NMNAT1: variants seen among roughly 807,000 people sequenced by gnomAD.
The protein encoded by NMNAT1 is nicotinamide nucleotide adenylyltransferase 1.
A neutral mutation model predicts 16.7 loss-of-function variants in NMNAT1; 11 were observed. The ratio of observed to expected loss-of-function variants is 0.66; its 90% CI spans 0.41 to 1.09. NMNAT1 has a LOEUF of 1.09. Among genes scored for constraint, NMNAT1 ranks in the 50% least tolerant of loss-of-function variants. The pLI, the probability that NMNAT1 is intolerant of heterozygous loss-of-function variation, is 0.00. For synonymous variants in NMNAT1, 110 were observed against 119.8 expected, an observed-to-expected ratio of 0.92 and a Z score of 0.53; for missense variants, 280 against 332.3, an observed-to-expected ratio of 0.84 and a Z score of 1.22.
At position 9,972,152 on chromosome 1, in the gene NMNAT1, T is replaced by C. The variant is rs1641703881; in HGVS notation, c.79T>C (p.Leu27=). The C allele has an allele frequency of 6.2e-7, 1 of 1,612,140 alleles. No individual in the cohort carries two copies. Among genetic ancestry groups the C allele is most frequent in the Non-Finnish European group, 8.5e-7 (1 of 1,178,392 alleles). The part of the protein sequence containing the change: ...FNPITNMHLR[L]FELAKDYMNG... ...TCCCATCACCAACATGCACCTCAGG[T>C]TGTTTGAGCTGGCCAAGGACTACAT... Residue 27 remains leucine (L), a synonymous_variant, in exon 2 of 5, where the codon TTG becomes CTG. Coordinates refer to ENST00000377205, the MANE Select transcript of NMNAT1 (RefSeq NM_022787.4).
At chr1:9,951,455 G>GTTT (rs372572948) in intron 1 of NMNAT1, among the ~76,000 whole-genome samples, 2,431 of 134,518 alleles carry the variant, frequency 0.018, 53 homozygotes, top group East Asian at 0.1. Flanking sequence ...AACAGCTTCA[G>GTTT]TTTTTTTTTG....
rs140987402 is a variant in NMNAT1 at position 9,982,308 on chromosome 1, A to G, written c.447A>G (p.Pro149=). Residue 149 remains proline (P), a synonymous_variant, in exon 5 of 5, where the codon CCA becomes CCG. Coordinates refer to ENST00000377205, the MANE Select transcript of NMNAT1 (RefSeq NM_022787.4). ...KSLEPKTKAV[P]KVKLLCGADL... ...CTGTTTTATTCTTCCCAGCTGTGCC[A>G]AAGGTCAAGCTGCTGTGTGGGGCAG... 12 of 1,610,310 alleles carry G rather than the reference A, an allele frequency of 7.5e-6. No individual in the cohort carries two copies. The Middle Eastern group carries it at 5.0e-4, about 67-fold the overall frequency.
At position 9,981,106 on chromosome 1, in the gene NMNAT1, G is replaced by A; in HGVS notation, c.375G>A (p.Arg125=). The change falls in exon 4 of 5, where the codon AGG becomes AGA. Residue 125 remains arginine, a synonymous_variant. Coordinates refer to ENST00000377205, the MANE Select transcript of NMNAT1 (RefSeq NM_022787.4). The part of the protein sequence containing the change: ...QNSPTLERPG[R]KRKWTETQDS... ...CACCTACTCTAGAAAGGCCTGGAAG[G>A]AAGAGGAAGTGGACTGAAACACAAG... 1 of 1,613,936 alleles carries A rather than the reference G, an allele frequency of 6.2e-7. No homozygotes were observed. The highest frequency in any genetic ancestry group is 8.5e-7 in the Non-Finnish European group (1 of 1,179,958).
chr1:9,962,783 G>A (rs1481703545), intron 1 of NMNAT1, among the ~76,000 whole-genome samples: 7,613 of 100,966 alleles, frequency 0.075, no homozygotes, highest in Non-Finnish European at 0.11. Context: ...CCGGGTTCAC[G>A]CCATTCTCCC....
chr1:9,994,635 C>T, the NMNAT1 span, among the ~76,000 whole-genome samples: 4 of 122,376 alleles, frequency 3.3e-5, no homozygotes, highest in South Asian at 2.6e-4. Context: ...TTTTTTGAGA[C>T]GGAGTCTTGC....
chr1:9,967,882 C>T (rs79848346), intron 1 of NMNAT1, among the ~76,000 whole-genome samples: 2,572 of 151,620 alleles, frequency 0.017, 49 homozygotes, highest in African/African-American at 0.045. Context: ...AGGCTGAGGT[C>T]GAAGGATCAC....
downstream of NMNAT1, among the ~76,000 whole-genome samples, chr1:9,989,737 G>T (rs943906014): frequency 1.3e-5 from 2 of 152,096 alleles, no homozygotes; most frequent in Non-Finnish European, 2.9e-5. Flanking sequence ...ATTCCTCCTG[G>T]ACACTGGACA....
chr1:9,981,401 A>G (rs1570715814), intron 4 of NMNAT1: 1 of 441,266 alleles, frequency 2.3e-6, no homozygotes, highest in East Asian at 5.6e-5. Flanking sequence ...CGCCTGTCTA[A>G]TTTGTTTGTA....
intron 1 of NMNAT1, among the ~76,000 whole-genome samples, chr1:9,943,748 ATC>A (rs982712667): frequency 1.3e-5 from 2 of 152,104 alleles, no homozygotes; most frequent in African/African-American, 4.8e-5. Context: ...GAAAGGAAAA[ATC>A]TCTTTCTAGA....
chr1:9,963,777 GATTAACT>G (rs1273742116), intron 1 of NMNAT1, among the ~76,000 whole-genome samples: 2 of 152,106 alleles, frequency 1.3e-5, no homozygotes, highest in Non-Finnish European at 2.9e-5. Flanking sequence ...AAAGGTCGAA[GATTAACT>G]GGAAAAACTG....
At chr1:9,943,265 CA>C (rs1316393216), upstream of NMNAT1, 1 of 157,506 alleles carries the variant, frequency 6.3e-6, no homozygotes, top group African/African-American at 2.4e-5. Flanking sequence ...AAAACTGGGA[CA>C]ACCTCCTTAG....
intron 1 of NMNAT1, among the ~76,000 whole-genome samples, chr1:9,954,845 C>T (rs765879929): frequency 2.0e-5 from 3 of 151,148 alleles, no homozygotes; most frequent in East Asian, 3.9e-4. Flanking sequence ...GCACGAGAAT[C>T]GCTTGAACCC....
In NMNAT1 at chr1:9,951,046, G is replaced by A. The variant is rs935751370; in HGVS notation, c.-57+7531G>A. 4.0e-5 allele frequency among the ~76,000 whole-genome samples: 6 copies of A among 150,412 alleles called. No homozygotes were observed. The South Asian group carries it at 8.4e-4, about 21-fold the overall frequency. ...GGAGGTTGCAGTGAGCCAAGATCAC[G>A]CCACTGCACTCCAGCTTAAGCAACA... On this transcript the variant is annotated intron_variant, in intron 1 of 4. Transcript: ENST00000377205.
intron 3 of NMNAT1, among the ~76,000 whole-genome samples, chr1:9,976,490 A>G (rs2101703524): frequency 6.6e-6 from 1 of 152,256 alleles, no homozygotes; most frequent in Non-Finnish European, 1.5e-5. Context: ...CTGCTTGATC[A>G]TGGACAGGCC....
At position 9,957,529 on chromosome 1, in the gene NMNAT1, G is replaced by A. The variant is rs1040025300; in HGVS notation, c.-57+14014G>A. Among the ~76,000 whole-genome samples, 12 of 151,522 alleles carry A rather than the reference G, an allele frequency of 7.9e-5. No individual in the cohort carries two copies. In the South Asian group the frequency reaches 1.5e-3, roughly 19 times the overall value. On this transcript the variant is annotated intron_variant, in intron 1 of 4. Coordinates refer to ENST00000377205, the MANE Select transcript of NMNAT1 (RefSeq NM_022787.4). The stretch of plus-strand genomic sequence containing the variant: ...AGGCTGGTCTCGAACTATTGACCTC[G>A]TGATCCACGCCTCGGCTTCCCAAAG...
chr1:9,956,170 CTTTT>C (rs113840450), intron 1 of NMNAT1, among the ~76,000 whole-genome samples: 3 of 133,992 alleles, frequency 2.2e-5, no homozygotes, highest in Admixed American at 1.5e-4. Flanking sequence ...TGTTTCTTTT[CTTTT>C]TTTTTTTTTT....
chr1:9,945,071 T>G (rs2101629310), intron 1 of NMNAT1, among the ~76,000 whole-genome samples: 1 of 152,188 alleles, frequency 6.6e-6, no homozygotes, highest in South Asian at 2.1e-4. Flanking sequence ...CCATCTCTAC[T>G]AAAAATACAA....
At chr1:9,950,429 T>G (rs895541411) in intron 1 of NMNAT1, 2 of 152,268 alleles carry the variant, frequency 1.3e-5, no homozygotes, top group Non-Finnish European at 2.9e-5. Flanking sequence ...TTTGACATGC[T>G]TCCTGTTATT....
chr1:9,992,544 A>G, the NMNAT1 span, among the ~76,000 whole-genome samples: 1 of 152,038 alleles, frequency 6.6e-6, no homozygotes, highest in African/African-American at 2.4e-5. Context: ...AGTTGTTCCA[A>G]TCCTAAGAGG....
Sources: allele counts gnomAD v4.1 joint callset (sites outside exome capture counted in the v4.1 genomes callset), GRCh38; gene constraint gnomAD v4.1.1; transcripts MANE v1.5; gene names NCBI Gene and HGNC (gene_info 2026-07-23, HGNC 2026-07-21).